The following PDE5A variants were observed in gnomAD, a reference collection of about 807,000 sequenced individuals.
PDE5A encodes phosphodiesterase 5A.
In PDE5A, 67 loss-of-function variants were observed where a neutral mutation model predicts 110.2. That is an observed-to-expected ratio of 0.61 (90% CI 0.50 to 0.75). The LOEUF (loss-of-function observed/expected upper bound fraction) is 0.75. Among genes scored for constraint, PDE5A ranks in the 30% least tolerant of loss-of-function variants. The pLI is 0.00. For synonymous variants in PDE5A, 328 were observed against 351.2 expected (o/e 0.93, Z 0.74); for missense variants, 862 against 1,045.1 (o/e 0.82, Z 2.42).
chr4:119,622,858 C>A (rs1186162899), intron 1 of PDE5A, among the ~76,000 whole-genome samples: 1 of 99,714 alleles, frequency 1.0e-5, no homozygotes, highest in Non-Finnish European at 1.9e-5. Flanking sequence ...AGCAATACTC[C>A]GTCTCGAAAA....
rs1453840163 is a variant in PDE5A, at chr4:119,495,628, A to G, written c.*2973T>C. 6.6e-6 allele frequency: 1 copy of G among 152,562 alleles called. No homozygotes were observed. The highest frequency in any genetic ancestry group is 1.9e-4 in the East Asian group (1 of 5,180). The allele number at this position is 152,562 out of a possible 1,614,324, so 9.5% of individuals were successfully genotyped here. The stretch of plus-strand genomic sequence containing the variant: ...CTGAACAGTTTTCTCCAAGAATCCA[A>G]TATTTCCAGTATATTTTCATATACT... On this transcript the variant is annotated 3_prime_UTR_variant, in exon 21 of 21. Coordinates refer to ENST00000354960, the MANE Select transcript of PDE5A (RefSeq NM_001083.4).
rs570838498 is a variant in PDE5A at position 119,498,628 on chromosome 4, C to T, written c.2601G>A (p.Gly867=). Residue 867 remains glycine (G), a synonymous_variant, in exon 21 of 21, where the codon GGG becomes GGA. Transcript: ENST00000354960. ...AEQQEKMLIN[G]ESGQAKRN is the part of the protein sequence containing the mutation. Reference sequence around the variant, plus strand: ...AGTTCCGCTTGGCCTGGCCGCTTTCCCCATTAATCAGCATCTTCTCCTGCT... The same window carrying T: ...AGTTCCGCTTGGCCTGGCCGCTTTCTCCATTAATCAGCATCTTCTCCTGCT... 3 of 1,613,996 alleles carry T rather than the reference C, an allele frequency of 1.9e-6. No individual in the cohort carries two copies. Among genetic ancestry groups the T allele is most frequent in the East Asian group, 2.2e-5 (1 of 44,874 alleles).
chr4:119,626,817 G>T (rs1313353071), intron 1 of PDE5A, among the ~76,000 whole-genome samples: 2 of 152,164 alleles, frequency 1.3e-5, no homozygotes, highest in Non-Finnish European at 2.9e-5. Flanking sequence ...TAAAAGAAGG[G>T]CTGGGTTATT....
Position 119,496,979 on chromosome 4 carries a change from C to A in PDE5A, c.*1622G>T, listed in dbSNP as rs1725100594. 6.6e-6 allele frequency: 1 copy of A among 151,994 alleles called. No homozygotes were observed. Among genetic ancestry groups the A allele is most frequent in the African/African-American group, 2.4e-5 (1 of 41,394 alleles). The allele number at this position is 151,994 out of a possible 1,614,324, so 9.4% of individuals were successfully genotyped here. The stretch of plus-strand genomic sequence containing the variant: ...TTTTACCAGAATGATAAAAATAAAA[C>A]TGCATTATGTCAAGATATTTGTACA... On this transcript the variant is annotated 3_prime_UTR_variant, in exon 21 of 21. Coordinates refer to ENST00000354960, the MANE Select transcript of PDE5A (RefSeq NM_001083.4).
chr4:119,508,978 T>C (rs1340370878), intron 15 of PDE5A, among the ~76,000 whole-genome samples: 2 of 152,016 alleles, frequency 1.3e-5, no homozygotes, highest in African/African-American at 2.4e-5. Context: ...CTGTAAAATA[T>C]GCTTTTAAAA....
intron 5 of PDE5A, 86 bp downstream of exon 5, chr4:119,565,235 T>C: frequency 1.2e-6 from 1 of 862,790 alleles, no homozygotes; most frequent in Non-Finnish European, 1.9e-6. Flanking sequence ...ATCTAAATTT[T>C]TAATCATCTG....
chr4:119,596,353 C>T (rs549110533), intron 3 of PDE5A, among the ~76,000 whole-genome samples, 170 bp downstream of exon 3: 1 of 151,616 alleles, frequency 6.6e-6, no homozygotes, highest in South Asian at 2.1e-4. Context: ...CAGAATTAGG[C>T]CCTGTAACTA....
At chr4:119,580,927 T>G (rs1255054721) in intron 3 of PDE5A, among the ~76,000 whole-genome samples, 1 of 152,254 alleles carries the variant, frequency 6.6e-6, no homozygotes, top group African/African-American at 2.4e-5. Flanking sequence ...TTCAGAGCCC[T>G]GGATCTATTT....
chr4:119,532,289 A>G (rs1204492123), intron 11 of PDE5A, among the ~76,000 whole-genome samples: 2 of 152,168 alleles, frequency 1.3e-5, no homozygotes, highest in African/African-American at 4.8e-5. Context: ...AACAGCCTGA[A>G]GGGAAAGATA....
At chr4:119,618,432 A>G (rs1578832975) in intron 1 of PDE5A, among the ~76,000 whole-genome samples, 1 of 152,270 alleles carries the variant, frequency 6.6e-6, no homozygotes, top group Non-Finnish European at 1.5e-5. Context: ...TCATATTAAA[A>G]TAAAAGAGAG....
rs1729570573 is a variant in PDE5A, at chr4:119,607,196, T to G, written c.254A>C (p.Gln85Pro). 4 of 1,614,164 alleles carry G rather than the reference T, an allele frequency of 2.5e-6. No homozygotes were observed. In the South Asian group the frequency reaches 4.4e-5, roughly 18 times the overall value. Residue 85 changes from glutamine (Q) to proline (P), a missense_variant, in exon 2 of 21, where the codon CAG (glutamine) becomes CCG (proline). By Grantham distance (76) the Gln-to-Pro change is moderately conservative. Transcript: ENST00000354960. ...GGCACTGTTATCTGCACGAGGACTC[T>G]GCTGCAAGGGACAAGAGCAAGATTC... ...HTESCSCPLQ[Q>P]SPRADNSAPG...
At chr4:119,530,367 C>T (rs1726486005) in intron 11 of PDE5A, among the ~76,000 whole-genome samples, 1 of 152,066 alleles carries the variant, frequency 6.6e-6, no homozygotes, top group Non-Finnish European at 1.5e-5. Flanking sequence ...CAAGTGTAGT[C>T]TTATCCTACA....
chr4:119,599,578 C>T (rs928970481), intron 2 of PDE5A, among the ~76,000 whole-genome samples: 13 of 151,246 alleles, frequency 8.6e-5, no homozygotes, highest in South Asian at 4.2e-4. Context: ...AACAGCCCAC[C>T]GAAAACAGCT....
At chr4:119,504,439 C>A in intron 18 of PDE5A, 97 bp downstream of exon 18, 1 of 861,674 alleles carries the variant, frequency 1.2e-6, no homozygotes, top group South Asian at 1.6e-5. Flanking sequence ...TTTATATAGT[C>A]ATTTATTTTT....
intron 3 of PDE5A, among the ~76,000 whole-genome samples, chr4:119,581,676 T>C (rs546708724): frequency 6.6e-6 from 1 of 152,340 alleles, no homozygotes; most frequent in African/African-American, 2.4e-5. Flanking sequence ...CTCTTCTCCA[T>C]AGCTGTGCCA....
chr4:119,519,576 T>A (rs1272303246), intron 13 of PDE5A: 2 of 154,550 alleles, frequency 1.3e-5, no homozygotes, highest in African/African-American at 4.8e-5. Context: ...AGAAAATGAT[T>A]TGAAATGAAA....
At chr4:119,534,339 T>C (rs7657849) in intron 11 of PDE5A, among the ~76,000 whole-genome samples, 39,941 of 151,878 alleles carry the variant, frequency 0.26, 5,386 homozygotes, top group East Asian at 0.38. Context: ...GCCTGAGCTC[T>C]GCCTCCTGTC....
intron 3 of PDE5A, among the ~76,000 whole-genome samples, chr4:119,585,812 T>C (rs1183586345): frequency 6.6e-6 from 1 of 152,170 alleles, no homozygotes; most frequent in Non-Finnish European, 1.5e-5. Context: ...GACGAGGTTA[T>C]ATAGAGCACT....
chr4:119,510,574 C>T (rs1324041971), intron 15 of PDE5A, among the ~76,000 whole-genome samples: 2 of 151,994 alleles, frequency 1.3e-5, no homozygotes, highest in Non-Finnish European at 2.9e-5. Flanking sequence ...TTTAGCATAG[C>T]ATAGCATATG....
Sources: gnomAD v4.1 joint callset for allele counts (sites outside exome capture counted in the v4.1 genomes callset) on GRCh38, gnomAD v4.1.1 for gene constraint, MANE v1.5 for transcripts, NCBI Gene and HGNC (gene_info 2026-07-23, HGNC 2026-07-21) for gene names.